NRXN3: variants seen among roughly 807,000 people sequenced by gnomAD.
NRXN3 encodes the protein neurexin III.
In NRXN3, 32 loss-of-function variants were observed where a neutral mutation model predicts 137.6. The observed-to-expected ratio is 0.23, with a 90% CI of 0.18 to 0.31. NRXN3 has a LOEUF of 0.31. NRXN3 is among the 10% of genes least tolerant of loss of function. NRXN3 has a pLI of 1.00. For missense variants in NRXN3, 1,574 were observed against 2,062.5 expected (o/e 0.76, Z 4.59); for synonymous variants, 798 against 784.5 (o/e 1.02, Z -0.29).
intron 15 of NRXN3, among the ~76,000 whole-genome samples, chr14:79,181,725 T>C (rs1242183250): frequency 6.6e-6 from 1 of 151,852 alleles, no homozygotes; most frequent in Non-Finnish European, 1.5e-5. Flanking sequence ...TGAAAACTTA[T>C]TTTTTTATAA....
chr14:79,490,771 T>C (rs2096709326), intron 16 of NRXN3, among the ~76,000 whole-genome samples: 1 of 152,086 alleles, frequency 6.6e-6, no homozygotes, highest in Non-Finnish European at 1.5e-5. Context: ...AGGGTGACTG[T>C]AGTCGATAAT....
intron 16 of NRXN3, among the ~76,000 whole-genome samples, chr14:79,526,877 A>T (rs1197365288): frequency 6.6e-6 from 1 of 152,204 alleles, no homozygotes; most frequent in Non-Finnish European, 1.5e-5. Context: ...GCCTCCTGGG[A>T]GGGTAGCAGG....
At chr14:78,850,687 A>C (rs575311354) in intron 10 of NRXN3, among the ~76,000 whole-genome samples, 1 of 152,258 alleles carries the variant, frequency 6.6e-6, no homozygotes, top group East Asian at 1.9e-4. Flanking sequence ...CAGAATTGCA[A>C]GTGGAGCAAA....
intron 15 of NRXN3, among the ~76,000 whole-genome samples, chr14:79,131,945 G>T (rs1204915103): frequency 2.6e-5 from 4 of 152,224 alleles, no homozygotes; most frequent in Non-Finnish European, 5.9e-5. Flanking sequence ...GATTTTCCAG[G>T]TGCTGTCTGT....
At position 78,554,992 on chromosome 14, in the gene NRXN3, G is replaced by A. The variant is rs78027038; in HGVS notation, c.758-90128G>A. 8.8e-4 allele frequency among the ~76,000 whole-genome samples: 134 copies of A among 152,160 alleles called. 1 individual carries two copies. The East Asian group carries it at 0.023, about 27-fold the overall frequency. ...ACAGTCGAGAGCATGGGCTCTGGAG[G>A]CCCATTGGGAGCTTATTCACTCCTC... On this transcript the variant is annotated intron_variant, in intron 4 of 20. Coordinates refer to ENST00000335750, the MANE Select transcript of NRXN3 (RefSeq NM_001330195.2).
intron 15 of NRXN3, among the ~76,000 whole-genome samples, chr14:79,349,669 A>G (rs1055222680): frequency 2.6e-5 from 4 of 152,114 alleles, no homozygotes; most frequent in African/African-American, 9.7e-5. Context: ...CAAAAATTGT[A>G]TATAGTATGT....
At chr14:79,196,539 T>C (rs1250370189) in intron 15 of NRXN3, among the ~76,000 whole-genome samples, 1 of 152,150 alleles carries the variant, frequency 6.6e-6, no homozygotes, top group African/African-American at 2.4e-5. Flanking sequence ...CACTGTTGCA[T>C]TGGGAATTAA....
At chr14:79,548,031 A>AACTATTAAT (rs1459071780) in intron 16 of NRXN3, among the ~76,000 whole-genome samples, 1 of 151,442 alleles carries the variant, frequency 6.6e-6, no homozygotes, top group Non-Finnish European at 1.5e-5. Context: ...TTTTTTTTTT[A>AACTATTAAT]ACTATTAATT....
At chr14:79,434,698 G>A (rs2095815886) in intron 15 of NRXN3, among the ~76,000 whole-genome samples, 1 of 152,178 alleles carries the variant, frequency 6.6e-6, no homozygotes, top group Admixed American at 6.5e-5. Context: ...GATTTGGGGT[G>A]GGGAGGGTCC....
chr14:78,629,121 T>A (rs144939837), intron 4 of NRXN3, among the ~76,000 whole-genome samples: 33 of 152,312 alleles, frequency 2.2e-4, no homozygotes, highest in Non-Finnish European at 3.1e-4. Flanking sequence ...GCTGGCATCA[T>A]CACTATCATC....
chr14:78,509,118 G>A (rs1599651780), intron 4 of NRXN3, among the ~76,000 whole-genome samples: 2 of 152,188 alleles, frequency 1.3e-5, no homozygotes. Flanking sequence ...TGGCCAACAC[G>A]GTGAAACCTT....
chr14:78,476,435 C>T (rs769259069), intron 4 of NRXN3, among the ~76,000 whole-genome samples: 4 of 152,086 alleles, frequency 2.6e-5, no homozygotes, highest in African/African-American at 7.2e-5. Context: ...GGAGGGCACA[C>T]GGGTGAAGGC....
At chr14:78,267,011 C>G (rs2071865453) in intron 2 of NRXN3, among the ~76,000 whole-genome samples, 1 of 152,052 alleles carries the variant, frequency 6.6e-6, no homozygotes, top group Non-Finnish European at 1.5e-5. Context: ...ACTATGTTAC[C>G]CCTTCCTTCT....
At chr14:79,236,328 T>G (rs547327616) in intron 15 of NRXN3, among the ~76,000 whole-genome samples, 1 of 152,250 alleles carries the variant, frequency 6.6e-6, no homozygotes, top group Non-Finnish European at 1.5e-5. Context: ...TATATGTATG[T>G]GTATTTATGT....
chr14:79,777,645 G>T (rs2099101205), intron 19 of NRXN3, among the ~76,000 whole-genome samples: 1 of 151,950 alleles, frequency 6.6e-6, no homozygotes, highest in Admixed American at 6.6e-5. Flanking sequence ...TATTTTGAAG[G>T]TTATTTATTT....
At chr14:78,429,368 C>T (rs974861624) in intron 4 of NRXN3, among the ~76,000 whole-genome samples, 6 of 152,148 alleles carry the variant, frequency 3.9e-5, no homozygotes, top group African/African-American at 1.2e-4. Context: ...CATGAGCCAC[C>T]ACGCCCAGTC....
chr14:78,659,867 G>T (rs1270018239), intron 6 of NRXN3, among the ~76,000 whole-genome samples: 1 of 152,112 alleles, frequency 6.6e-6, no homozygotes, highest in Non-Finnish European at 1.5e-5. Context: ...GAGAGAGAAA[G>T]AAAGAGAGAA....
intron 15 of NRXN3, among the ~76,000 whole-genome samples, chr14:79,096,750 C>G (rs1381806421): frequency 6.6e-6 from 1 of 152,222 alleles, no homozygotes; most frequent in Admixed American, 6.5e-5. Flanking sequence ...TATTCCCCTC[C>G]CCCAACAGAT....
chr14:78,720,438 C>G (rs2098454521), intron 8 of NRXN3, among the ~76,000 whole-genome samples: 2 of 152,202 alleles, frequency 1.3e-5, no homozygotes, highest in Non-Finnish European at 2.9e-5. Context: ...TATCATGGAA[C>G]AGCTTAATCA....
Sources: allele counts gnomAD v4.1 joint callset (sites outside exome capture counted in the v4.1 genomes callset), GRCh38; gene constraint gnomAD v4.1.1; transcripts MANE v1.5; gene names NCBI Gene and HGNC (gene_info 2026-07-23, HGNC 2026-07-21).